MEF2B: variants seen among roughly 807,000 people sequenced by gnomAD.
MEF2B encodes myocyte-specific enhancer factor 2B.
In MEF2B, 15 loss-of-function variants were observed where a neutral mutation model predicts 32.2. The observed-to-expected ratio is 0.47, with a 90% CI of 0.31 to 0.72. The LOEUF (loss-of-function observed/expected upper bound fraction) is 0.72, where lower values mean the gene tolerates loss of function less well. Among genes scored for constraint, MEF2B ranks in the 30% least tolerant of loss-of-function variants. The pLI is 0.05. For synonymous variants in MEF2B, 205 were observed against 225.6 expected (o/e 0.91, Z 0.82); for missense variants, 441 against 511.5 (o/e 0.86, Z 1.33).
intron 8 of MEF2B, 91 bp downstream of exon 8, chr19:19,146,182 A>C: frequency 1.2e-6 from 1 of 842,208 alleles, no homozygotes; most frequent in Non-Finnish European, 1.7e-6. Flanking sequence ...TCCGTACCGG[A>C]AGTGTGCGCA....
In MEF2B at chr19:19,150,740, C is replaced by G. The variant is rs754570938; in HGVS notation, c.-5G>C. 6 of 1,614,024 alleles carry G rather than the reference C, an allele frequency of 3.7e-6. No homozygotes were observed. The highest frequency in any genetic ancestry group is 5.1e-6 in the Non-Finnish European group (6 of 1,180,014). Reference sequence around the variant, plus strand: ...CTGGATTTTTTTCCTCCCCATCGTCCCAGGCTGAGTGGAATGATCTTTGTC... The same window carrying G: ...CTGGATTTTTTTCCTCCCCATCGTCGCAGGCTGAGTGGAATGATCTTTGTC... On this transcript the variant is annotated 5_prime_UTR_variant, in exon 2 of 9. Transcript: ENST00000424583.
In MEF2B at chr19:19,145,754, C is replaced by T. The variant is rs547754719; in HGVS notation, c.*43G>A. The stretch of plus-strand genomic sequence containing the variant: ...AGGTGGGGTCCCCACGTGCCCTCGC[C>T]GTACCTGGCGAGCGCTCTGGGCTGG... On this transcript the variant is annotated 3_prime_UTR_variant, in exon 9 of 9. Coordinates refer to ENST00000424583, the MANE Select transcript of MEF2B (RefSeq NM_001145785.2). The surrounding 1 kb of genome is among the most constrained non-coding windows in gnomAD (Gnocchi z 4.6). The T allele has an allele frequency of 2.6e-6, 4 of 1,556,890 alleles. No individual in the cohort carries two copies. The highest frequency in any genetic ancestry group is 2.4e-5 in the East Asian group (1 of 42,012).
At chr19:19,153,842 C>T (rs1243963598) in intron 1 of MEF2B, among the ~76,000 whole-genome samples, 2 of 152,166 alleles carry the variant, frequency 1.3e-5, no homozygotes, top group African/African-American at 4.8e-5. Context: ...CCTTGACCTC[C>T]CAGGCTCCAG....
In MEF2B at chr19:19,145,835, G is replaced by T; in HGVS notation, c.1069C>A (p.Leu357Met). Residue 357 changes from leucine to methionine, a missense_variant, in exon 9 of 9, where the codon CTG becomes ATG. Around this residue, in one of 2 missense-constraint regions of MEF2B, gnomAD observed 326 missense variants for 328.4 expected, o/e 0.99. Transcript: ENST00000424583. The surrounding 1 kb of genome is among the most constrained non-coding windows in gnomAD (Gnocchi z 4.6). ...CCGTCGGCCAAGGGCAGCCGGCGCA[G>T]GGCGGGCCCAGGCCGCAGAGGCTCT... ...LAEPLRPGPA[L>M]RRLPLADGWP... 1 of 1,520,024 alleles carries T rather than the reference G, an allele frequency of 6.6e-7. No homozygotes were observed. The highest frequency in any genetic ancestry group is 8.8e-7 in the Non-Finnish European group (1 of 1,130,252). 94.2% of individuals were successfully genotyped at this position (1,520,024 alleles called of 1,614,324 possible). A position where few individuals can be genotyped will look rare whatever the true frequency, so the allele number is the denominator to read the frequency against.
chr19:19,150,566 A>T, intron 2 of MEF2B, 116 bp downstream of exon 2: 1 of 1,279,182 alleles, frequency 7.8e-7, no homozygotes, highest in Non-Finnish European at 1.1e-6. Context: ...TGGCATCAGG[A>T]CTCCTCATGC....
chr19:19,161,339 T>C (rs889360590), intron 1 of MEF2B, among the ~76,000 whole-genome samples: 1 of 151,648 alleles, frequency 6.6e-6, no homozygotes, highest in Non-Finnish European at 1.5e-5. Flanking sequence ...GTAGAAATAT[T>C]CCCCACACAC....
chr19:19,146,355 G>A lies in MEF2B; in HGVS notation c.799C>T (p.Pro267Ser). ...EYGLGDPPPP[P>S]GLLQPPTLAP... ...AGGGTGGGGGGCTGCAACAAGCCAGGGGGCGGTGGAGGGTCTCCCAGGCCA... is the reference window on the plus strand; with the variant it reads ...AGGGTGGGGGGCTGCAACAAGCCAGAGGGCGGTGGAGGGTCTCCCAGGCCA... The change falls in exon 8 of 9, where the codon CCT becomes TCT. Residue 267 changes from proline to serine, a missense_variant. Around this residue, in one of 2 missense-constraint regions of MEF2B, gnomAD observed 326 missense variants for 328.4 expected, o/e 0.99. Coordinates refer to ENST00000424583, the MANE Select transcript of MEF2B (RefSeq NM_001145785.2). The A allele has an allele frequency of 9.0e-7, 1 of 1,114,542 alleles. No homozygotes were observed. The highest frequency in any genetic ancestry group is 1.2e-6 in the Non-Finnish European group (1 of 829,400). 69.0% of individuals were successfully genotyped at this position (1,114,542 alleles called of 1,614,324 possible).
rs1487450265 is a variant in MEF2B, at chr19:19,146,340, G to A, written c.814C>T (p.Pro272Ser). Residue 272 changes from proline (P) to serine (S), a missense_variant, in exon 8 of 9, where the codon CCC becomes TCC. Physicochemically the swap from Pro to Ser is moderately conservative, Grantham distance 74. This residue lies in a region of MEF2B where 326 missense variants were observed against 328.4 expected (regional missense o/e 0.99). Transcript: ENST00000424583. ...DPPPPPGLLQ[P>S]PTLAPWQPSR... ...GGCTGCCAGGGGGCCAGGGTGGGGGGCTGCAACAAGCCAGGGGGCGGTGGA... is the reference window on the plus strand; with the variant it reads ...GGCTGCCAGGGGGCCAGGGTGGGGGACTGCAACAAGCCAGGGGGCGGTGGA... 5 of 1,184,402 alleles carry A rather than the reference G, an allele frequency of 4.2e-6. No homozygotes were observed. The African/African-American group carries it at 4.8e-5, about 11-fold the overall frequency. The allele number at this position is 1,184,402 out of a possible 1,614,324, so 73.4% of individuals were successfully genotyped here. A position where few individuals can be genotyped will look rare whatever the true frequency, so the allele number is the denominator to read the frequency against.
At chr19:19,157,809 T>C (rs538719575) in intron 1 of MEF2B, among the ~76,000 whole-genome samples, 1 of 152,016 alleles carries the variant, frequency 6.6e-6, no homozygotes, top group South Asian at 2.1e-4. Context: ...GATTGTGCCA[T>C]TGCACTCCAG....
chr19:19,152,909 T>G (rs1246610958), intron 1 of MEF2B, among the ~76,000 whole-genome samples: 1 of 152,182 alleles, frequency 6.6e-6, no homozygotes, highest in Non-Finnish European at 1.5e-5. Context: ...CACAACTATG[T>G]AGAGCCCAAG....
chr19:19,153,674 C>G (rs906340091), intron 1 of MEF2B, among the ~76,000 whole-genome samples: 1 of 152,122 alleles, frequency 6.6e-6, no homozygotes, highest in Admixed American at 6.5e-5. Flanking sequence ...CCAGGCTGGT[C>G]TTGAACTCCT....
At position 19,147,023 on chromosome 19, in the gene MEF2B, G is replaced by T; in HGVS notation, c.541+13C>A. 1 of 1,592,180 alleles carries T rather than the reference G, an allele frequency of 6.3e-7. No individual in the cohort carries two copies. The highest frequency in any genetic ancestry group is 8.5e-7 in the Non-Finnish European group (1 of 1,170,098). On this transcript the variant is annotated intron_variant, in intron 5 of 8. Transcript: ENST00000424583. ...CTCAGGACCTCACCCCTGCCCCACT[G>T]TCCCATGCTCACCTGGGGGCCCGGC...
chr19:19,164,399 C>A (rs2060190488), intron 1 of MEF2B, among the ~76,000 whole-genome samples: 2 of 152,244 alleles, frequency 1.3e-5, no homozygotes, highest in South Asian at 2.1e-4. Flanking sequence ...AGTGCTGATG[C>A]TCCTCTCAGG....
intron 1 of MEF2B, among the ~76,000 whole-genome samples, chr19:19,164,650 C>A (rs2060192810): frequency 1.3e-5 from 2 of 152,342 alleles, no homozygotes; most frequent in East Asian, 3.9e-4. Context: ...CCCATCTCTA[C>A]TGAAAATACA....
chr19:19,165,012 T>G (rs1288220358), intron 1 of MEF2B, among the ~76,000 whole-genome samples: 1 of 152,188 alleles, frequency 6.6e-6, no homozygotes, highest in African/African-American at 2.4e-5. Flanking sequence ...GAAGGGACCC[T>G]GCCCACAGCC....
chr19:19,151,417 C>T (rs1277576655), intron 1 of MEF2B, among the ~76,000 whole-genome samples: 1 of 152,070 alleles, frequency 6.6e-6, no homozygotes, highest in Non-Finnish European at 1.5e-5. Flanking sequence ...GATGTGAGAT[C>T]GCCCTGGTAG....
chr19:19,161,343 C>T (rs1053865011), intron 1 of MEF2B, among the ~76,000 whole-genome samples: 1 of 151,960 alleles, frequency 6.6e-6, no homozygotes, highest in Admixed American at 6.6e-5. Context: ...AAATATTCCC[C>T]ACACACGGAG....
chr19:19,163,778 C>A (rs565340898), intron 1 of MEF2B, among the ~76,000 whole-genome samples: 1 of 152,096 alleles, frequency 6.6e-6, no homozygotes, highest in Non-Finnish European at 1.5e-5. Flanking sequence ...CTCAGCCTCC[C>A]GAGTAGCTAG....
intron 1 of MEF2B, among the ~76,000 whole-genome samples, chr19:19,155,928 G>A (rs757775941): frequency 4.6e-5 from 7 of 152,294 alleles, no homozygotes; most frequent in African/African-American, 1.2e-4. Flanking sequence ...TCTGCCCAGC[G>A]CAGAAGCACA....
Sources: allele counts gnomAD v4.1 joint callset (sites outside exome capture counted in the v4.1 genomes callset), GRCh38; gene constraint gnomAD v4.1.1; regional missense constraint gnomAD v4.1.1; non-coding constraint Gnocchi (gnomAD v3.1); transcripts MANE v1.5; gene names NCBI Gene and HGNC (gene_info 2026-07-23, HGNC 2026-07-21).